KIAA1586: variants seen among roughly 807,000 people sequenced by gnomAD.
KIAA1586 encodes E3 SUMO-protein ligase KIAA1586.
Under a neutral mutation model 6.1 loss-of-function variants are expected in KIAA1586, and 5 were observed. The ratio of observed to expected loss-of-function variants is 0.82; its 90% CI spans 0.43 to 1.73. The LOEUF is 1.73. Ranked by LOEUF, KIAA1586 falls within the 40% of genes most tolerant of loss-of-function variation. The pLI, the probability that KIAA1586 is intolerant of heterozygous loss-of-function variation, is 0.02. For missense variants in KIAA1586, 899 were observed against 878.2 expected (o/e 1.02, Z -0.30); for synonymous variants, 280 against 301.7 (o/e 0.93, Z 0.75).
At chr6:57,060,630 C>T in the KIAA1586 span, among the ~76,000 whole-genome samples, 15 of 152,204 alleles carry the variant, frequency 9.9e-5, no homozygotes, top group Middle Eastern at 6.8e-3. Flanking sequence ...GTCAAGGTAG[C>T]TGCCACTGGC....
chr6:57,053,074 A>C lies in KIAA1586; in HGVS notation c.575A>C (p.Asn192Thr). ...TGGATTGCATATTTAGTAACCCCTA[A>C]TGGCAGTAATAAAACTACTAGGCAA... ...KEWIAYLVTP[N>T]GSNKTTRQAS... is the part of the protein sequence containing the mutation. Residue 192 changes from asparagine to threonine, a missense_variant, in exon 4 of 4, where the codon AAT becomes ACT. Transcript: ENST00000370733. 6.2e-7 allele frequency: 1 copy of C among 1,611,838 alleles called. No homozygotes were observed. The highest frequency in any genetic ancestry group is 8.5e-7 in the Non-Finnish European group (1 of 1,179,302).
In KIAA1586 at chr6:57,050,820, GTGA is replaced by G; in HGVS notation, c.159_161del (p.Asp53del). 3 of 1,613,606 alleles carry G rather than the reference GTGA, an allele frequency of 1.9e-6. No homozygotes were observed. Among genetic ancestry groups the G allele is most frequent in the Non-Finnish European group, 2.5e-6 (3 of 1,179,650 alleles). On this transcript the variant is annotated inframe_deletion, in exon 3 of 4. Transcript: ENST00000370733. ...CTTGAATACATCGATCTGGTCTGTG[GTGA>G]TGATGAAAACCCTAGCGCCTATTAT...
chr6:57,054,930 T>A lies in KIAA1586; in HGVS notation c.*67T>A. On this transcript the variant is annotated 3_prime_UTR_variant, in exon 4 of 4. Coordinates refer to ENST00000370733, the MANE Select transcript of KIAA1586 (RefSeq NM_020931.4). ...CACATCCTTTATATACATAAAGGTCTTTTTTTTTTTTGGAAAGCCAGTTAA... is the reference window on the plus strand; with the variant it reads ...CACATCCTTTATATACATAAAGGTCATTTTTTTTTTTGGAAAGCCAGTTAA... 1 of 414,704 alleles carries A rather than the reference T, an allele frequency of 2.4e-6. No homozygotes were observed. The highest frequency in any genetic ancestry group is 3.4e-6 in the Non-Finnish European group (1 of 291,668). 25.7% of individuals were successfully genotyped at this position (414,704 alleles called of 1,614,324 possible).
At chr6:57,049,638 T>G (rs1828271401) in intron 2 of KIAA1586, among the ~76,000 whole-genome samples, 1 of 152,186 alleles carries the variant, frequency 6.6e-6, no homozygotes, top group African/African-American at 2.4e-5. Context: ...GAAGGTTACT[T>G]CCTCCTTGCC....
Position 57,053,340 on chromosome 6 carries a change from T to A in KIAA1586, c.841T>A (p.Cys281Ser). 6.2e-7 allele frequency: 1 copy of A among 1,612,466 alleles called. No homozygotes were observed. The highest frequency in any genetic ancestry group is 1.1e-5 in the South Asian group (1 of 90,926). ...ACAGGAAAAAAATGGAGAGGTAAAT[T>A]GTTTAAATACACGTTACAGTGCAAC... ...ELQEKNGEVN[C>S]LNTRYSATRI... is the part of the protein sequence containing the mutation. The change falls in exon 4 of 4, where the codon TGT (cysteine) becomes AGT (serine). Residue 281 changes from cysteine (C) to serine (S), a missense_variant. Transcript: ENST00000370733.
downstream of KIAA1586, among the ~76,000 whole-genome samples, chr6:57,056,338 C>G (rs190667167): frequency 6.6e-6 from 1 of 152,218 alleles, no homozygotes; most frequent in Admixed American, 6.5e-5. Context: ...TCCCAAGTAG[C>G]TGGGATTACA....
chr6:57,066,540 C>T, the KIAA1586 span, among the ~76,000 whole-genome samples: 1 of 152,166 alleles, frequency 6.6e-6, no homozygotes, highest in African/African-American at 2.4e-5. Context: ...TGGTTCTTCA[C>T]AAGTTTCCTT....
At chr6:57,059,967 A>G (rs1828544517), downstream of KIAA1586, among the ~76,000 whole-genome samples, 1 of 152,144 alleles carries the variant, frequency 6.6e-6, no homozygotes, top group African/African-American at 2.4e-5. Flanking sequence ...TCTTGCTTAG[A>G]GTAATATAAT....
the KIAA1586 span, among the ~76,000 whole-genome samples, chr6:57,063,029 TG>T: frequency 6.6e-6 from 1 of 151,802 alleles, no homozygotes; most frequent in Non-Finnish European, 1.5e-5. Context: ...CCCTCCAGCC[TG>T]GGCGACAGAG....
chr6:57,049,613 T>C (rs923366399), intron 2 of KIAA1586, among the ~76,000 whole-genome samples: 2 of 152,188 alleles, frequency 1.3e-5, no homozygotes, highest in African/African-American at 4.8e-5. Flanking sequence ...TATTGAAATA[T>C]AGTACCTATA....
intron 2 of KIAA1586, among the ~76,000 whole-genome samples, chr6:57,050,160 T>C (rs577765158): frequency 6.6e-6 from 1 of 152,044 alleles, no homozygotes; most frequent in South Asian, 2.1e-4. Context: ...TAAATCAATA[T>C]CTGTGCTATT....
At chr6:57,061,442 G>T in the KIAA1586 span, among the ~76,000 whole-genome samples, 1 of 151,670 alleles carries the variant, frequency 6.6e-6, no homozygotes, top group African/African-American at 2.4e-5. Flanking sequence ...GCCCAGGTGG[G>T]AGTGCAGTGG....
chr6:57,054,089 T>G lies in KIAA1586; in HGVS notation c.1590T>G (p.Ile530Met), dbSNP rs1224999182. ...TCTTACAAGACCTTGCTTTAATGAT[T>G]GACATTCTTGAAGAATTTTCAGTAC... ...INFLQDLALM[I>M]DILEEFSVLS... The change falls in exon 4 of 4, where the codon ATT becomes ATG. Residue 530 changes from isoleucine (I) to methionine (M), a missense_variant. Coordinates refer to ENST00000370733, the MANE Select transcript of KIAA1586 (RefSeq NM_020931.4). 1 of 1,609,800 alleles carries G rather than the reference T, an allele frequency of 6.2e-7. No individual in the cohort carries two copies. The highest frequency in any genetic ancestry group is 8.5e-7 in the Non-Finnish European group (1 of 1,178,358).
downstream of KIAA1586, among the ~76,000 whole-genome samples, chr6:57,060,104 C>T (rs919608450): frequency 1.3e-4 from 20 of 152,252 alleles, no homozygotes; most frequent in African/African-American, 4.8e-4. Flanking sequence ...GGAAGACATT[C>T]AGACAACAAG....
Position 57,052,686 on chromosome 6 carries a change from A to ATT in KIAA1586, c.188_189dup (p.Leu64PhefsTer17). On this transcript the variant is annotated frameshift_variant and splice_region_variant, in exon 4 of 4. Coordinates refer to ENST00000370733, the MANE Select transcript of KIAA1586 (RefSeq NM_020931.4). LOFTEE classifies it low-confidence loss of function (END_TRUNC). Reference sequence around the variant, plus strand: ...TTACATATGTAAAATTATTTTTCAGATTCTGTTTCCTAAAATGCCAAAACG... The same window carrying ATT: ...TTACATATGTAAAATTATTTTTCAGATTTTCTGTTTCCTAAAATGCCAAAACG... 2.6e-6 allele frequency: 4 copies of ATT among 1,544,166 alleles called. No individual in the cohort carries two copies. In the South Asian group the frequency reaches 5.0e-5, roughly 19 times the overall value.
chr6:57,054,585 A>C lies in KIAA1586; in HGVS notation c.2086A>C (p.Ile696Leu). 2 of 1,607,806 alleles carry C rather than the reference A, an allele frequency of 1.2e-6. No individual in the cohort carries two copies. The highest frequency in any genetic ancestry group is 1.7e-6 in the Non-Finnish European group (2 of 1,176,032). Residue 696 changes from isoleucine to leucine, a missense_variant, in exon 4 of 4, where the codon ATA (isoleucine) becomes CTA (leucine). Transcript: ENST00000370733. ...TACAACTATATACAAAGCTAAAAAG[A>C]TAGTTAGCACCATTGCAATCAATAG... The part of the protein sequence containing the change: ...IPTTIYKAKK[I>L]VSTIAINSAE...
At position 57,054,546 on chromosome 6, in the gene KIAA1586, A is replaced by G. The variant is rs186792403; in HGVS notation, c.2047A>G (p.Asn683Asp). The stretch of plus-strand genomic sequence containing the variant: ...TGTAAATAATAATATAAAATCAAAC[A>G]ATGTTTCAATTCCTACAACTATATA... Reference protein sequence around the residue: ...EFVNNNIKSNNVSIPTTIYKA... With the variant: ...EFVNNNIKSNDVSIPTTIYKA... Residue 683 changes from asparagine (N) to aspartate (D), a missense_variant, in exon 4 of 4, where the codon AAT (asparagine) becomes GAT (aspartate). Transcript: ENST00000370733. The G allele has an allele frequency of 6.2e-7, 1 of 1,602,144 alleles. No individual in the cohort carries two copies. Among genetic ancestry groups the G allele is most frequent in the Non-Finnish European group, 8.5e-7 (1 of 1,173,888 alleles).
downstream of KIAA1586, among the ~76,000 whole-genome samples, chr6:57,056,611 A>C (rs1828502615): frequency 1.3e-5 from 2 of 149,718 alleles, no homozygotes; most frequent in Admixed American, 6.7e-5. Flanking sequence ...GCAGTGGCTC[A>C]CTGCAGCCTC....
At chr6:57,063,477 G>C in the KIAA1586 span, among the ~76,000 whole-genome samples, 2 of 87,936 alleles carry the variant, frequency 2.3e-5, no homozygotes, top group South Asian at 7.1e-4. Context: ...TTTTTGAGAC[G>C]GCATCTTGCT....
Sources: allele counts gnomAD v4.1 joint callset (sites outside exome capture counted in the v4.1 genomes callset), GRCh38; gene constraint gnomAD v4.1.1; transcripts MANE v1.5; gene names NCBI Gene and HGNC (gene_info 2026-07-23, HGNC 2026-07-21).